The following CEP192 variants were observed in gnomAD, a reference collection of about 807,000 sequenced individuals.
CEP192 encodes the protein centrosomal protein of 192 kDa.
CEP192 carries 151 observed loss-of-function variants against 271.8 expected under a neutral mutation model. That is an observed-to-expected ratio of 0.56 (90% CI 0.49 to 0.64). The LOEUF is 0.64. Ranked by LOEUF, CEP192 falls within the 30% of genes least tolerant of loss-of-function variation. The pLI is 0.00. For missense variants in CEP192, 2,910 were observed against 3,020.5 expected, an observed-to-expected ratio of 0.96 and a Z score of 0.86; for synonymous variants, 995 against 1,076.5, an observed-to-expected ratio of 0.92 and a Z score of 1.48.
chr18:13,058,041 T>G (rs2037207432), intron 20 of CEP192: 1 of 172,306 alleles, frequency 5.8e-6, no homozygotes. Context: ...TACTTGTCAG[T>G]TTTGTTAAAG....
chr18:13,006,493 T>G (rs1489012640), intron 3 of CEP192, among the ~76,000 whole-genome samples: 1 of 152,174 alleles, frequency 6.6e-6, no homozygotes, highest in Non-Finnish European at 1.5e-5. Context: ...CAGTCCCCCA[T>G]GTATACTGAG....
intron 40 of CEP192, among the ~76,000 whole-genome samples, chr18:13,106,585 TACCACC>T (rs1044620855): frequency 3.9e-5 from 5 of 128,378 alleles, no homozygotes; most frequent in Non-Finnish European, 8.1e-5. Flanking sequence ...CCCACACAGC[TACCACC>T]ACCACCACTA....
chr18:13,010,685 A>G (rs2034289789), intron 4 of CEP192, among the ~76,000 whole-genome samples: 1 of 152,086 alleles, frequency 6.6e-6, no homozygotes, highest in Non-Finnish European at 1.5e-5. Flanking sequence ...CGTCTCTACT[A>G]AAAATACAAA....
At chr18:12,991,875 C>T (rs1013909035) in intron 1 of CEP192, among the ~76,000 whole-genome samples, 3 of 151,776 alleles carry the variant, frequency 2.0e-5, no homozygotes, top group African/African-American at 7.3e-5. Context: ...TCTGTTCCTC[C>T]TTTTTGTTTA....
In CEP192 at chr18:13,030,268, A is replaced by C. The variant is rs1311985218; in HGVS notation, c.1391-197A>C. Among the ~76,000 whole-genome samples the C allele has an allele frequency of 2.0e-5, 3 of 152,126 alleles. No homozygotes were observed. The South Asian group carries it at 6.2e-4, about 32-fold the overall frequency. The stretch of plus-strand genomic sequence containing the variant: ...ATTCTCCATTATAGACTTTTTTGTG[A>C]GTAAGGCTGGCTTGCTTTCTATCAA... On this transcript the variant is annotated intron_variant, in intron 10 of 44. Coordinates refer to ENST00000506447, the MANE Select transcript of CEP192 (RefSeq NM_032142.4).
chr18:13,099,390 G>A (rs2039598612), intron 36 of CEP192, 86 bp from the exon 37 acceptor site: 1 of 675,240 alleles, frequency 1.5e-6, no homozygotes, highest in African/African-American at 1.8e-5. Context: ...AATGGCCATT[G>A]GCTGGTAGAC....
chr18:13,042,335 G>A lies in CEP192; in HGVS notation c.2067+1G>A, dbSNP rs764031610. 1.9e-6 allele frequency: 3 copies of A among 1,613,694 alleles called. No individual in the cohort carries two copies. The highest frequency in any genetic ancestry group is 2.5e-6 in the Non-Finnish European group (3 of 1,179,780). On this transcript the variant is annotated splice_donor_variant, in intron 15 of 44. Transcript: ENST00000506447. LOFTEE classifies it high-confidence loss of function. ...AACGGCTGATAAAGGCAAAACAGAG[G>A]TAGCTTCAGCCTTTCGTAAGGAAAT...
Position 13,056,215 on chromosome 18 carries a change from C to T in CEP192, c.3625C>T (p.Arg1209Cys), listed in dbSNP as rs368929020. Residue 1209 changes from arginine to cysteine, a missense_variant, in exon 19 of 45, where the codon CGT becomes TGT. Coordinates refer to ENST00000506447, the MANE Select transcript of CEP192 (RefSeq NM_032142.4). ...TCCTAAAGATAAGTCAACTGCTGGC[C>T]GTGAGTTCAGTGGCCAGGTTTCTCA... ...ISPKDKSTAGREFSGQVSHQT... is the reference protein window; with the variant it reads ...ISPKDKSTAGCEFSGQVSHQT... 5.6e-6 allele frequency: 9 copies of T among 1,613,914 alleles called. No homozygotes were observed. Among genetic ancestry groups the T allele is most frequent in the Middle Eastern group, 1.6e-4 (1 of 6,084 alleles).
At chr18:13,117,076 TAA>T (rs1425128490) in intron 43 of CEP192, among the ~76,000 whole-genome samples, 2 of 151,026 alleles carry the variant, frequency 1.3e-5, no homozygotes, top group African/African-American at 4.9e-5. Flanking sequence ...AAAAAAAAAT[TAA>T]CCGGGCATGG....
rs1038631684 is a variant in CEP192 at position 13,055,947 on chromosome 18, A to T, written c.3357A>T (p.Glu1119Asp). 1.2e-6 allele frequency: 2 copies of T among 1,614,114 alleles called. No individual in the cohort carries two copies. Among genetic ancestry groups the T allele is most frequent in the African/African-American group, 2.7e-5 (2 of 74,952 alleles). The change falls in exon 19 of 45, where the codon GAA (glutamate) becomes GAT (aspartate). Residue 1119 changes from glutamate to aspartate, a missense_variant. Glu to Asp is a conservative substitution (Grantham distance 45, BLOSUM62 2). Coordinates refer to ENST00000506447, the MANE Select transcript of CEP192 (RefSeq NM_032142.4). The stretch of plus-strand genomic sequence containing the variant: ...ACTCTGATACAAGAAAAGCAACTGA[A>T]ACTACTTCTCTGAGTAGCAAGCCTG... Reference protein sequence around the residue: ...QNNSDTRKATETTSLSSKPEY... With the variant: ...QNNSDTRKATDTTSLSSKPEY...
rs1267345297 is a variant in CEP192, at chr18:13,017,175, A to T, written c.641-13A>T. The stretch of plus-strand genomic sequence containing the variant: ...TTAAAGCATGTCCTGTTTTTTCTCG[A>T]TTTTATCAATAGATGATGATATTGA... On this transcript the variant is annotated splice_polypyrimidine_tract_variant and intron_variant, in intron 6 of 44. Transcript: ENST00000506447. 5 of 1,525,330 alleles carry T rather than the reference A, an allele frequency of 3.3e-6. No individual in the cohort carries two copies. In the Admixed American group the frequency reaches 6.5e-5, roughly 20 times the overall value. 94.5% of individuals were successfully genotyped at this position (1,525,330 alleles called of 1,614,324 possible). A position where few individuals can be genotyped will look rare whatever the true frequency, so the allele number is the denominator to read the frequency against.
chr18:13,078,524 G>T (rs916517329), intron 30 of CEP192, among the ~76,000 whole-genome samples: 1 of 152,030 alleles, frequency 6.6e-6, no homozygotes, highest in African/African-American at 2.4e-5. Flanking sequence ...TTCCACAATG[G>T]TTGAACTAAT....
At chr18:13,072,444 A>T (rs17603207) in intron 28 of CEP192, among the ~76,000 whole-genome samples, 40,509 of 152,074 alleles carry the variant, frequency 0.27, 6,251 homozygotes, top group Admixed American at 0.37. Context: ...GAATTTCTTC[A>T]CCTGGATTTT....
At chr18:13,037,036 C>G (rs943418393) in intron 11 of CEP192, among the ~76,000 whole-genome samples, 39 of 152,216 alleles carry the variant, frequency 2.6e-4, no homozygotes, top group Non-Finnish European at 1.8e-4. Flanking sequence ...GACAAAATAA[C>G]TACAGCAAGG....
chr18:12,995,325 A>G (rs1314467187), intron 1 of CEP192, among the ~76,000 whole-genome samples: 1 of 151,914 alleles, frequency 6.6e-6, no homozygotes, highest in Admixed American at 6.6e-5. Context: ...CGGCCTCCCA[A>G]AGTGCTGGGA....
intron 13 of CEP192, among the ~76,000 whole-genome samples, 196 bp from the exon 14 acceptor site, chr18:13,040,634 T>G (rs879263630): frequency 1.3e-5 from 2 of 152,194 alleles, no homozygotes; most frequent in African/African-American, 2.4e-5. Context: ...TTCTAATGGT[T>G]AAAAGGTAGC....
chr18:13,069,884 G>T, intron 27 of CEP192, 28 bp downstream of exon 27: 1 of 1,322,396 alleles, frequency 7.6e-7, no homozygotes, highest in Non-Finnish European at 1.1e-6. Flanking sequence ...TAATGGACCG[G>T]GCACAGTGGC....
chr18:13,062,656 G>GCA (rs1343857170), intron 21 of CEP192, among the ~76,000 whole-genome samples: 3 of 151,466 alleles, frequency 2.0e-5, no homozygotes, highest in African/African-American at 7.3e-5. Flanking sequence ...GAGATGTTTT[G>GCA]TTTCAGACAT....
chr18:13,113,314 T>G (rs2040288938), intron 40 of CEP192, among the ~76,000 whole-genome samples: 1 of 152,232 alleles, frequency 6.6e-6, no homozygotes, highest in Non-Finnish European at 1.5e-5. Context: ...CTTTAGTGCT[T>G]TCTGATAACA....
Sources: gnomAD v4.1 joint callset for allele counts (sites outside exome capture counted in the v4.1 genomes callset) on GRCh38, gnomAD v4.1.1 for gene constraint, MANE v1.5 for transcripts, NCBI Gene and HGNC (gene_info 2026-07-23, HGNC 2026-07-21) for gene names.